The following AFTPH variants were observed in gnomAD, a reference collection of about 807,000 sequenced individuals.
The protein encoded by AFTPH is aftiphilin, also known as aftiphilin protein.
Under a neutral mutation model 72.5 loss-of-function variants are expected in AFTPH, and 7 were observed. That is an observed-to-expected ratio of 0.10 (90% confidence interval 0.05 to 0.18). The LOEUF is 0.18. AFTPH is among the 10% of genes least tolerant of loss of function. AFTPH has a pLI of 1.00. For missense variants in AFTPH, 979 were observed against 1,060.5 expected, an observed-to-expected ratio of 0.92 and a Z score of 1.07; for synonymous variants, 337 against 370.1, an observed-to-expected ratio of 0.91 and a Z score of 1.03.
chr2:64,551,622 C>T, exon 2 of AFTPH: 3 of 1,613,954 alleles, frequency 1.9e-6, no homozygotes, highest in Admixed American at 1.7e-5. Context: ...TTTCGATACA[C>T]CAGATTATAC....
In AFTPH at chr2:64,544,606, G is replaced by A. The variant is rs1332684877; in HGVS notation, c.-32-6837G>A. Among the ~76,000 whole-genome samples the A allele has an allele frequency of 3.3e-5, 5 of 149,378 alleles. No homozygotes were observed. In the East Asian group the frequency reaches 7.9e-4, roughly 23 times the overall value. On this transcript the variant is annotated intron_variant, in intron 1 of 8. Coordinates refer to ENST00000238856, the Ensembl canonical transcript of AFTPH. ...ATCCTTTTTTTCCCCTGTTGAGCAGGAACAGCTATTTAAAGCCCATATTTT... is the reference window on the plus strand; with the variant it reads ...ATCCTTTTTTTCCCCTGTTGAGCAGAAACAGCTATTTAAAGCCCATATTTT...
intron 7 of AFTPH, among the ~76,000 whole-genome samples, chr2:64,583,258 A>C (rs1673316530): frequency 2.0e-5 from 3 of 151,890 alleles, no homozygotes; most frequent in Non-Finnish European, 2.9e-5. Flanking sequence ...AGGTTGGCAT[A>C]GAACTTGGTT....
At chr2:64,557,351 C>T (rs1375069959) in intron 2 of AFTPH, among the ~76,000 whole-genome samples, 2 of 152,150 alleles carry the variant, frequency 1.3e-5, no homozygotes, top group Non-Finnish European at 2.9e-5. Context: ...TTTTATTAGA[C>T]ATCCAATTGA....
At chr2:64,571,532 G>C (rs140884611) in intron 5 of AFTPH, among the ~76,000 whole-genome samples, 1 of 152,140 alleles carries the variant, frequency 6.6e-6, no homozygotes, top group South Asian at 2.1e-4. Flanking sequence ...CTAGCTGCTC[G>C]GTTAAAGCCT....
chr2:64,536,586 A>G (rs1669902549), intron 1 of AFTPH, among the ~76,000 whole-genome samples: 1 of 143,626 alleles, frequency 7.0e-6, no homozygotes, highest in Non-Finnish European at 1.5e-5. Context: ...AAAAAAAAAA[A>G]AAAGAATATA....
At chr2:64,552,552 T>C in exon 2 of AFTPH, 2 of 1,614,082 alleles carry the variant, frequency 1.2e-6, no homozygotes, top group Non-Finnish European at 1.7e-6. Flanking sequence ...AAAACTTGAC[T>C]TACTTACTTC....
chr2:64,566,844 A>G (rs1264637854), intron 2 of AFTPH, among the ~76,000 whole-genome samples: 1 of 152,098 alleles, frequency 6.6e-6, no homozygotes, highest in African/African-American at 2.4e-5. Context: ...TGCAGGCTTT[A>G]CTTGGGAGAG....
At chr2:64,530,086 G>A (rs1669536313) in intron 1 of AFTPH, among the ~76,000 whole-genome samples, 1 of 152,100 alleles carries the variant, frequency 6.6e-6, no homozygotes, top group South Asian at 2.1e-4. Flanking sequence ...AACCTGAGAG[G>A]TGGAGGTTGC....
chr2:64,581,416 T>G (rs1673189343), intron 7 of AFTPH, 143 bp downstream of exon 8: 1 of 653,144 alleles, frequency 1.5e-6, no homozygotes, highest in African/African-American at 1.9e-5. Flanking sequence ...TGTTGTTATT[T>G]TCTAGTATCT....
intron 1 of AFTPH, among the ~76,000 whole-genome samples, chr2:64,541,140 T>C (rs1246656919): frequency 6.6e-6 from 1 of 152,128 alleles, no homozygotes; most frequent in Non-Finnish European, 1.5e-5. Context: ...CCTCATATGA[T>C]AGTATGAGGA....
At chr2:64,571,617 G>T (rs553773083) in intron 5 of AFTPH, among the ~76,000 whole-genome samples, 9 of 152,296 alleles carry the variant, frequency 5.9e-5, no homozygotes, top group African/African-American at 1.7e-4. Context: ...TTGGGGAAGG[G>T]AGGAGGCAGG....
intron 2 of AFTPH, among the ~76,000 whole-genome samples, chr2:64,561,598 G>A (rs965568310): frequency 4.6e-5 from 7 of 152,238 alleles, no homozygotes; most frequent in South Asian, 2.1e-4. Context: ...AGGATCACTC[G>A]AGCCCAGAAG....
intron 2 of AFTPH, among the ~76,000 whole-genome samples, chr2:64,558,967 G>GA (rs1316794547): frequency 2.0e-5 from 3 of 151,848 alleles, no homozygotes; most frequent in African/African-American, 4.8e-5. Flanking sequence ...GGCATACCCA[G>GA]AAAAAAAACC....
intron 1 of AFTPH, among the ~76,000 whole-genome samples, chr2:64,529,321 T>C (rs1314832470): frequency 6.6e-6 from 1 of 151,992 alleles, no homozygotes; most frequent in Non-Finnish European, 1.5e-5. Flanking sequence ...TGAAGTTTTT[T>C]TTTTTTCACC....
chr2:64,576,127 T>A, intron 6 of AFTPH, among the ~76,000 whole-genome samples: 1 of 127,340 alleles, frequency 7.9e-6, no homozygotes, highest in African/African-American at 3.3e-5. Context: ...ACGTGTGTCA[T>A]ACAAATGAAA....
chr2:64,548,074 A>T (rs1248589388), intron 1 of AFTPH, among the ~76,000 whole-genome samples: 9 of 142,590 alleles, frequency 6.3e-5, no homozygotes, highest in Admixed American at 6.2e-4. Context: ...TACAGGTGTG[A>T]GCCACTGCGC....
At chr2:64,566,880 A>G (rs1329804482) in intron 2 of AFTPH, among the ~76,000 whole-genome samples, 1 of 152,198 alleles carries the variant, frequency 6.6e-6, no homozygotes, top group African/African-American at 2.4e-5. Flanking sequence ...CTATTCAAAA[A>G]TATACATGCA....
intron 2 of AFTPH, among the ~76,000 whole-genome samples, chr2:64,560,326 G>T (rs1671645045): frequency 6.6e-6 from 1 of 151,938 alleles, no homozygotes; most frequent in Admixed American, 6.6e-5. Context: ...CCCCACTGAT[G>T]AATTAAACCA....
Position 64,565,446 on chromosome 2 carries a change from A to G in AFTPH, c.1936-2116A>G, listed in dbSNP as rs185877074. On this transcript the variant is annotated intron_variant, in intron 2 of 8. Coordinates refer to ENST00000238856, the Ensembl canonical transcript of AFTPH. ...GCCGAGATTGCACCACTAAACTCCA[A>G]CCTGGGTGACAGAGCGAGACTCTAT... Among the ~76,000 whole-genome samples, 537 of 142,148 alleles carry G rather than the reference A, an allele frequency of 3.8e-3. 7 individuals carry two copies. Among genetic ancestry groups the G allele is most frequent in the Admixed American group, 0.02 (264 of 13,516 alleles). The allele number at this position is 142,148 out of a possible 152,430, so 93.3% of individuals were successfully genotyped here.
Sources: gnomAD v4.1 joint callset for allele counts (sites outside exome capture counted in the v4.1 genomes callset) on GRCh38, gnomAD v4.1.1 for gene constraint, MANE v1.5 for transcripts, NCBI Gene and HGNC (gene_info 2026-07-23, HGNC 2026-07-21) for gene names.